STOX1: variants seen among roughly 807,000 people sequenced by gnomAD.
STOX1 encodes the protein storkhead box 1.
Under a neutral mutation model 74.8 loss-of-function variants are expected in STOX1, and 57 were observed. The observed-to-expected ratio is 0.76, with a 90% confidence interval of 0.62 to 0.95. The LOEUF is 0.95. STOX1 is among the 40% of genes least tolerant of loss of function. The probability of loss-of-function intolerance (pLI) is 0.00; values close to 1 mark genes in which losing one functional copy is unlikely to be tolerated. For synonymous variants in STOX1, 375 were observed against 401.3 expected (o/e 0.93, Z 0.78); for missense variants, 1,010 against 1,117.0 (o/e 0.90, Z 1.37).
downstream of STOX1, among the ~76,000 whole-genome samples, chr10:68,895,077 G>T (rs1841168314): frequency 6.6e-6 from 1 of 152,192 alleles, no homozygotes; most frequent in Non-Finnish European, 1.5e-5. Context: ...CTTTGGAAAA[G>T]AATGAATTTC....
chr10:68,857,322 T>TGCTTC (rs1419911884), intron 1 of STOX1, among the ~76,000 whole-genome samples: 38 of 152,178 alleles, frequency 2.5e-4, no homozygotes, highest in African/African-American at 8.4e-4. Context: ...AAAAGGCAAC[T>TGCTTC]GCTTCCCTCC....
In STOX1 at chr10:68,882,109, A is replaced by G; in HGVS notation, c.462A>G (p.Pro154=). The G allele has an allele frequency of 6.2e-7, 1 of 1,613,674 alleles. No individual in the cohort carries two copies. Among genetic ancestry groups the G allele is most frequent in the African/African-American group, 1.3e-5 (1 of 75,038 alleles). Residue 154 remains proline, a splice_region_variant and synonymous_variant, in exon 2 of 4, where the codon CCA becomes CCG. Transcript: ENST00000298596. ...TGGAGCGTTTGATGAAACATTACCCAGGTAGAGTAATAAATTTTTGTCTAT... is the reference window on the plus strand; with the variant it reads ...TGGAGCGTTTGATGAAACATTACCCGGGTAGAGTAATAAATTTTTGTCTAT... ...SLLERLMKHY[P]GIAIPSEDIL... is the part of the protein sequence containing the mutation.
chr10:68,837,501 G>A (rs1486159675), intron 1 of STOX1, among the ~76,000 whole-genome samples: 3 of 152,202 alleles, frequency 2.0e-5, no homozygotes, highest in Non-Finnish European at 1.5e-5. Flanking sequence ...GCAATAAAGT[G>A]CATGTATGTG....
At chr10:68,851,128 G>C (rs187789432) in intron 1 of STOX1, among the ~76,000 whole-genome samples, 1 of 151,564 alleles carries the variant, frequency 6.6e-6, no homozygotes, top group South Asian at 2.1e-4. Flanking sequence ...GCAACATAGG[G>C]AGGAGCCTAT....
intron 1 of STOX1, among the ~76,000 whole-genome samples, chr10:68,868,768 G>A (rs759693355): frequency 2.6e-5 from 4 of 152,210 alleles, no homozygotes; most frequent in African/African-American, 9.6e-5. Context: ...TACTAGTAAT[G>A]ACATGGAACA....
At chr10:68,853,926 A>C (rs1216331596) in intron 1 of STOX1, among the ~76,000 whole-genome samples, 1 of 151,046 alleles carries the variant, frequency 6.6e-6, no homozygotes, top group Non-Finnish European at 1.5e-5. Context: ...CTCAGGTGAT[A>C]TGCCTGTCTT....
At chr10:68,852,575 A>AT (rs1306404184) in intron 1 of STOX1, among the ~76,000 whole-genome samples, 13 of 149,400 alleles carry the variant, frequency 8.7e-5, no homozygotes, top group Non-Finnish European at 1.6e-4. Context: ...TGCTTTTAAG[A>AT]TTTTTTTGTC....
At position 68,886,190 on chromosome 10, in the gene STOX1, A is replaced by G; in HGVS notation, c.2394A>G (p.Glu798=). 1 of 1,614,156 alleles carries G rather than the reference A, an allele frequency of 6.2e-7. No individual in the cohort carries two copies. Among genetic ancestry groups the G allele is most frequent in the Non-Finnish European group, 8.5e-7 (1 of 1,180,022 alleles). ...AGTCTCAGGTGCTTAAAAGAAATGA[A>G]TGCTACAAACCCACTGGGCTGCATG... ...RVESQVLKRN[E]CYKPTGLHAT... is the part of the protein sequence containing the mutation. Residue 798 remains glutamate (E), a synonymous_variant, in exon 3 of 4, where the codon GAA becomes GAG. Coordinates refer to ENST00000298596, the MANE Select transcript of STOX1 (RefSeq NM_152709.5).
intron 1 of STOX1, among the ~76,000 whole-genome samples, chr10:68,838,326 C>G (rs2133499708): frequency 6.6e-6 from 1 of 152,206 alleles, no homozygotes; most frequent in African/African-American, 2.4e-5. Context: ...CTCGGCCTCC[C>G]AAAGTGATGC....
intron 1 of STOX1, among the ~76,000 whole-genome samples, chr10:68,836,182 T>G (rs1460545850): frequency 6.6e-6 from 1 of 152,232 alleles, no homozygotes; most frequent in Non-Finnish European, 1.5e-5. Flanking sequence ...TGAGTTCAAT[T>G]TTTTGTGCTG....
At chr10:68,831,179 A>T (rs994371962) in intron 1 of STOX1, among the ~76,000 whole-genome samples, 3 of 151,894 alleles carry the variant, frequency 2.0e-5, no homozygotes, top group Non-Finnish European at 4.4e-5. Context: ...TGCCATAGAT[A>T]TTTATTTATC....
chr10:68,885,593 C>T lies in STOX1; in HGVS notation c.1797C>T (p.Pro599=), dbSNP rs200446359. ...SMLQNDGKCC[P]FMESMLRYEV... ...TGCAAAATGATGGTAAATGCTGTCC[C>T]TTTATGGAAAGCATGTTGAGATATG... Residue 599 remains proline, a synonymous_variant, in exon 3 of 4, where the codon CCC becomes CCT. Transcript: ENST00000298596. 2 of 1,614,128 alleles carry T rather than the reference C, an allele frequency of 1.2e-6. No homozygotes were observed. Among genetic ancestry groups the T allele is most frequent in the Admixed American group, 1.7e-5 (1 of 60,016 alleles).
chr10:68,835,447 T>A (rs953636841), intron 1 of STOX1, among the ~76,000 whole-genome samples: 7 of 152,170 alleles, frequency 4.6e-5, no homozygotes, highest in African/African-American at 1.7e-4. Context: ...GTCAGTCTCC[T>A]GAGCAGCTGG....
intron 1 of STOX1, among the ~76,000 whole-genome samples, chr10:68,862,055 A>G (rs1192448920): frequency 6.6e-6 from 1 of 152,012 alleles, no homozygotes; most frequent in Non-Finnish European, 1.5e-5. Flanking sequence ...GGTCTATTTT[A>G]GTTTGAGAGT....
chr10:68,828,663 G>A (rs1224363645), intron 1 of STOX1, among the ~76,000 whole-genome samples: 1 of 152,194 alleles, frequency 6.6e-6, no homozygotes, highest in African/African-American at 2.4e-5. Flanking sequence ...CCAGGGGAAT[G>A]GCCAGAGTTT....
rs575639343 is a variant in STOX1, at chr10:68,884,511, T to C, written c.715T>C (p.Ser239Pro). The change falls in exon 3 of 4, where the codon TCC (serine) becomes CCC (proline). Residue 239 changes from serine (S) to proline (P), a missense_variant. Coordinates refer to ENST00000298596, the MANE Select transcript of STOX1 (RefSeq NM_152709.5). ...AGCCCAAGAGAATGCTGCCCCCATA[T>C]CCCACTGTCAGTCTTGCCAGTGTTT... The part of the protein sequence containing the change: ...ESAQENAAPI[S>P]HCQSCQCFRD... 2 of 1,613,770 alleles carry C rather than the reference T, an allele frequency of 1.2e-6. No individual in the cohort carries two copies. The highest frequency in any genetic ancestry group is 1.7e-6 in the Non-Finnish European group (2 of 1,180,008).
intron 1 of STOX1, among the ~76,000 whole-genome samples, chr10:68,878,207 T>A (rs1840725792): frequency 6.6e-6 from 1 of 152,116 alleles, no homozygotes; most frequent in Non-Finnish European, 1.5e-5. Context: ...GCACATACAG[T>A]TATATCAAAG....
intron 1 of STOX1, among the ~76,000 whole-genome samples, chr10:68,835,756 T>C (rs1176451096): frequency 1.1e-4 from 16 of 152,240 alleles, no homozygotes; most frequent in Admixed American, 1.0e-3. Context: ...AAAACACCAG[T>C]GCAAAATTAT....
intron 1 of STOX1, among the ~76,000 whole-genome samples, chr10:68,874,648 G>A (rs1417939): frequency 0.73 from 96,724 of 132,710 alleles, 32,256 homozygotes; most frequent in East Asian, 0.91. Context: ...GCGACAGAGC[G>A]AGACTCCGTC....
Sources: gnomAD v4.1 joint callset for allele counts (sites outside exome capture counted in the v4.1 genomes callset) on GRCh38, gnomAD v4.1.1 for gene constraint, MANE v1.5 for transcripts, NCBI Gene and HGNC (gene_info 2026-07-23, HGNC 2026-07-21) for gene names.